Variants in MGAT4C observed in about 807,000 individuals in gnomAD.
MGAT4C encodes alpha-1,3-mannosyl-glycoprotein 4-beta-N-acetylglucosaminyltransferase C.
MGAT4C carries 19 observed loss-of-function variants against 40.1 expected under a neutral mutation model. That is an observed-to-expected ratio of 0.47 (90% CI 0.33 to 0.70). The LOEUF is 0.70. Ranked by LOEUF, MGAT4C falls within the 30% of genes least tolerant of loss-of-function variation. The probability of loss-of-function intolerance (pLI) is 0.02; values close to 1 mark genes in which losing one functional copy is unlikely to be tolerated. For missense variants in MGAT4C, 491 were observed against 563.2 expected (o/e 0.87, Z 1.30); for synonymous variants, 181 against 187.1 (o/e 0.97, Z 0.27).
At chr12:86,828,363 G>T (rs1334110894) in intron 1 of MGAT4C, among the ~76,000 whole-genome samples, 1 of 151,120 alleles carries the variant, frequency 6.6e-6, no homozygotes, top group Non-Finnish European at 1.5e-5. Flanking sequence ...TCTAAAATAA[G>T]TAATCTAATC....
chr12:86,417,758 C>T (rs1487443300), intron 3 of MGAT4C, among the ~76,000 whole-genome samples: 2 of 151,910 alleles, frequency 1.3e-5, no homozygotes, highest in Admixed American at 1.3e-4. Context: ...AGGAGAGATA[C>T]TTTCTTTTAA....
chr12:86,582,006 A>G (rs2136434842), intron 2 of MGAT4C, among the ~76,000 whole-genome samples: 1 of 151,614 alleles, frequency 6.6e-6, no homozygotes, highest in Non-Finnish European at 1.5e-5. Context: ...TGGTGTAAGT[A>G]TCTATGATAA....
chr12:86,385,253 TATA>T (rs1396065024), intron 3 of MGAT4C, among the ~76,000 whole-genome samples: 1 of 152,162 alleles, frequency 6.6e-6, no homozygotes, highest in African/African-American at 2.4e-5. Context: ...TAAAATAATT[TATA>T]ATAATAAGAA....
At chr12:86,814,689 T>A (rs1200841412) in intron 1 of MGAT4C, among the ~76,000 whole-genome samples, 2 of 151,888 alleles carry the variant, frequency 1.3e-5, no homozygotes, top group South Asian at 4.1e-4. Flanking sequence ...TATTCCAAGG[T>A]CGAGCTTTTG....
chr12:86,283,845 C>A (rs1428444660), intron 4 of MGAT4C, among the ~76,000 whole-genome samples: 3 of 152,074 alleles, frequency 2.0e-5, no homozygotes, highest in Non-Finnish European at 4.4e-5. Flanking sequence ...CCTGACAGTT[C>A]TGTAGAGATA....
At chr12:86,277,876 TG>T (rs1450961850) in intron 4 of MGAT4C, among the ~76,000 whole-genome samples, 1 of 152,174 alleles carries the variant, frequency 6.6e-6, no homozygotes, top group Non-Finnish European at 1.5e-5. Flanking sequence ...TTGGCTGTTC[TG>T]GGGTTTTTTG....
At chr12:86,548,043 G>GT (rs1341803431) in intron 2 of MGAT4C, among the ~76,000 whole-genome samples, 8 of 152,090 alleles carry the variant, frequency 5.3e-5, no homozygotes, top group Non-Finnish European at 1.2e-4. Context: ...AGGATCTTCA[G>GT]ATCATGATAC....
chr12:86,100,844 T>C (rs1419661914), intron 1 of MGAT4C, among the ~76,000 whole-genome samples: 1 of 151,572 alleles, frequency 6.6e-6, no homozygotes, highest in Non-Finnish European at 1.5e-5. Context: ...AGCACAGTAA[T>C]TGAATGTTAT....
chr12:86,067,705 A>T lies in MGAT4C; in HGVS notation c.-56-17982T>A, dbSNP rs113636181. Among the ~76,000 whole-genome samples, 618 of 151,894 alleles carry T rather than the reference A, an allele frequency of 4.1e-3. 3 individuals carry two copies. The highest frequency in any genetic ancestry group is 0.015 in the South Asian group (72 of 4,808). ...CATGTACCCCAGAACTTAAAGTATA[A>T]AAAAAAAGAGACAGTGAAAGTGCAA... On this transcript the variant is annotated intron_variant, in intron 1 of 4. Transcript: ENST00000611864.
intron 2 of MGAT4C, among the ~76,000 whole-genome samples, chr12:86,627,285 G>A (rs1373528831): frequency 6.6e-6 from 1 of 152,150 alleles, no homozygotes; most frequent in African/African-American, 2.4e-5. Flanking sequence ...CTCCACCTCT[G>A]GGGGCAGGGC....
At chr12:86,208,643 T>C (rs949271440) in intron 1 of MGAT4C, among the ~76,000 whole-genome samples, 2 of 152,086 alleles carry the variant, frequency 1.3e-5, no homozygotes, top group Admixed American at 6.6e-5. Flanking sequence ...CTTTTCTCTA[T>C]TGCAGTAGAG....
intron 1 of MGAT4C, among the ~76,000 whole-genome samples, chr12:86,816,836 A>G (rs1309646449): frequency 1.3e-5 from 2 of 150,840 alleles, no homozygotes; most frequent in African/African-American, 4.9e-5. Context: ...GTTATTATTT[A>G]TTTTGCTTAT....
intron 1 of MGAT4C, among the ~76,000 whole-genome samples, chr12:86,142,212 A>G (rs1882929232): frequency 6.6e-6 from 1 of 152,284 alleles, no homozygotes; most frequent in Admixed American, 6.5e-5. Context: ...GGTGATGTAA[A>G]CAGGAAGGTG....
intron 2 of MGAT4C, among the ~76,000 whole-genome samples, chr12:86,641,494 A>G (rs1963385212): frequency 1.3e-5 from 2 of 151,782 alleles, no homozygotes; most frequent in South Asian, 2.1e-4. Flanking sequence ...CATTGTGCAC[A>G]TGTACCCTAA....
intron 2 of MGAT4C, among the ~76,000 whole-genome samples, chr12:86,491,355 T>A (rs1240834926): frequency 6.6e-6 from 1 of 152,110 alleles, no homozygotes; most frequent in African/African-American, 2.4e-5. Context: ...AAAAGAATTT[T>A]AGACCAATAT....
At chr12:86,147,179 G>A (rs1048002948) in intron 1 of MGAT4C, among the ~76,000 whole-genome samples, 1 of 152,174 alleles carries the variant, frequency 6.6e-6, no homozygotes, top group Non-Finnish European at 1.5e-5. Context: ...AGAAAGGTGG[G>A]TTGAGTTTTC....
At chr12:86,163,440 C>A (rs934519715) in intron 1 of MGAT4C, among the ~76,000 whole-genome samples, 1 of 152,130 alleles carries the variant, frequency 6.6e-6, no homozygotes, top group Non-Finnish European at 1.5e-5. Context: ...AATGTTCCCA[C>A]CTCAGCCTCC....
At chr12:86,428,269 C>T (rs922373798) in intron 3 of MGAT4C, among the ~76,000 whole-genome samples, 10 of 152,004 alleles carry the variant, frequency 6.6e-5, no homozygotes, top group African/African-American at 2.4e-4. Flanking sequence ...TGCTCAAGTT[C>T]CTAATAACTG....
intron 2 of MGAT4C, among the ~76,000 whole-genome samples, chr12:86,707,041 G>A (rs986507633): frequency 1.3e-5 from 2 of 152,188 alleles, no homozygotes; most frequent in African/African-American, 4.8e-5. Flanking sequence ...TGCCATGATG[G>A]TGGGGCTTCT....
Sources: allele counts gnomAD v4.1 joint callset (sites outside exome capture counted in the v4.1 genomes callset), GRCh38; gene constraint gnomAD v4.1.1; transcripts MANE v1.5; gene names NCBI Gene and HGNC (gene_info 2026-07-23, HGNC 2026-07-21).